The following ZNF487 variants were observed in gnomAD, a reference collection of about 807,000 sequenced individuals.
ZNF487 encodes the protein zinc finger protein 487.
ZNF487 carries 4 observed loss-of-function variants against 3.0 expected under a neutral mutation model. That is an observed-to-expected ratio of 1.35 (90% CI 0.66 to 3.08). The LOEUF (loss-of-function observed/expected upper bound fraction) is 3.08. Among genes scored for constraint, ZNF487 ranks in the 30% most tolerant of loss-of-function variants. The probability of loss-of-function intolerance (pLI) is 0.01; values close to 1 mark genes in which losing one functional copy is unlikely to be tolerated. For missense variants in ZNF487, 146 were observed against 98.7 expected (o/e 1.48, Z -2.03); for synonymous variants, 55 against 34.6 (o/e 1.59, Z -2.06).
chr10:43,486,876 C>T (rs1157927795), downstream of ZNF487, among the ~76,000 whole-genome samples: 2 of 152,202 alleles, frequency 1.3e-5, no homozygotes. Flanking sequence ...GAATATTTTA[C>T]TCTTCAAGGA....
rs1319944674 is a variant in ZNF487, at chr10:43,444,206, G to A, written c.-94+6944G>A. On this transcript the variant is annotated intron_variant, in intron 1 of 3. Transcript: ENST00000437590. ...TCTCCTTGTCCTTTGGCTAGAAAGC[G>A]ACAGATTTTCTTAGGCTTTTAAAAT... Among the ~76,000 whole-genome samples, 10 of 152,204 alleles carry A rather than the reference G, an allele frequency of 6.6e-5. 1 individual carries two copies. In the South Asian group the frequency reaches 1.7e-3, roughly 25 times the overall value.
downstream of ZNF487, among the ~76,000 whole-genome samples, chr10:43,486,291 G>A (rs1479436739): frequency 3.9e-5 from 6 of 152,084 alleles, no homozygotes; most frequent in East Asian, 1.9e-4. Context: ...TTGGGAGGCC[G>A]AGGAGGGTGC....
chr10:43,452,316 G>A (rs992762977), intron 1 of ZNF487: 1 of 152,104 alleles, frequency 6.6e-6, no homozygotes, highest in African/African-American at 2.4e-5. Flanking sequence ...GCAGGCCCCA[G>A]CATGTGCATT....
At chr10:43,461,033 T>C (rs923256595) in intron 1 of ZNF487, among the ~76,000 whole-genome samples, 14 of 149,366 alleles carry the variant, frequency 9.4e-5, no homozygotes, top group Middle Eastern at 3.5e-3. Flanking sequence ...TGAGACAGAG[T>C]TTCGCTCTCA....
chr10:43,454,830 T>C (rs928616099), intron 1 of ZNF487, among the ~76,000 whole-genome samples: 1 of 149,346 alleles, frequency 6.7e-6, no homozygotes, highest in African/African-American at 2.5e-5. Context: ...ATGCAGGGAG[T>C]GAATCATGCC....
At chr10:43,436,911 C>T (rs1285140598), upstream of ZNF487, 1 of 468,864 alleles carries the variant, frequency 2.1e-6, no homozygotes, top group Non-Finnish European at 4.4e-6. Flanking sequence ...CCGGACTGCG[C>T]CGTGTCTTCC....
At chr10:43,496,266 G>C in the ZNF487 span, among the ~76,000 whole-genome samples, 10 of 152,238 alleles carry the variant, frequency 6.6e-5, no homozygotes, top group African/African-American at 2.4e-4. Flanking sequence ...AGGAGACCCT[G>C]GGCTGTAGGT....
intron 1 of ZNF487, among the ~76,000 whole-genome samples, chr10:43,468,756 G>A (rs554293189): frequency 7.4e-5 from 11 of 149,310 alleles, no homozygotes; most frequent in African/African-American, 2.5e-4. Context: ...TTGGGAGGCC[G>A]AGGCAGGCGG....
the ZNF487 span, among the ~76,000 whole-genome samples, chr10:43,508,704 G>A: frequency 6.6e-6 from 1 of 152,084 alleles, no homozygotes; most frequent in Non-Finnish European, 1.5e-5. Flanking sequence ...AAACTAGCCA[G>A]GTGTAGTGGT....
chr10:43,479,966 C>CTTTTCT (rs762122329), intron 3 of ZNF487, among the ~76,000 whole-genome samples: 1,818 of 48,150 alleles, frequency 0.038, 54 homozygotes, highest in African/African-American at 0.066. Flanking sequence ...CTCTTTCTTT[C>CTTTTCT]TTTCTTTTCT....
chr10:43,470,749 G>T (rs1840879276), intron 1 of ZNF487, among the ~76,000 whole-genome samples: 1 of 152,064 alleles, frequency 6.6e-6, no homozygotes, highest in South Asian at 2.1e-4. Flanking sequence ...GAAGTCCTGG[G>T]CTCAAGCAAT....
chr10:43,517,517 G>A, the ZNF487 span, among the ~76,000 whole-genome samples: 31,780 of 152,088 alleles, frequency 0.21, 5,557 homozygotes, highest in African/African-American at 0.47. Flanking sequence ...ATAACTCATG[G>A]TGGCCACAAA....
the ZNF487 span, among the ~76,000 whole-genome samples, chr10:43,513,477 T>G: frequency 6.6e-6 from 1 of 152,258 alleles, no homozygotes; most frequent in Non-Finnish European, 1.5e-5. Flanking sequence ...ACAGGCTAAA[T>G]GGGAGAGCTG....
At chr10:43,478,038 A>G (rs1337311690) in intron 3 of ZNF487, among the ~76,000 whole-genome samples, 1 of 152,198 alleles carries the variant, frequency 6.6e-6, no homozygotes, top group African/African-American at 2.4e-5. Context: ...GAGAAAACCA[A>G]TCCAGATATT....
chr10:43,501,459 G>A, the ZNF487 span, among the ~76,000 whole-genome samples: 2 of 151,874 alleles, frequency 1.3e-5, no homozygotes, highest in Non-Finnish European at 2.9e-5. Context: ...ACTTTTCTAG[G>A]CCAGGCTCAG....
chr10:43,455,175 A>AT (rs970241532), intron 1 of ZNF487, among the ~76,000 whole-genome samples: 20 of 150,882 alleles, frequency 1.3e-4, no homozygotes, highest in East Asian at 4.0e-4. Context: ...CGCCCGGCCA[A>AT]TTTTTTTTGT....
chr10:43,479,545 T>C (rs771501423), intron 3 of ZNF487, among the ~76,000 whole-genome samples: 11 of 152,204 alleles, frequency 7.2e-5, no homozygotes, highest in Non-Finnish European at 1.5e-4. Context: ...ATCCTTCAAT[T>C]TTCTTATTGA....
intron 3 of ZNF487, 51 bp downstream of exon 3, chr10:43,476,253 C>T: frequency 1.4e-6 from 1 of 690,486 alleles, no homozygotes; most frequent in Non-Finnish European, 2.7e-6. Flanking sequence ...AAATTTGATC[C>T]TAGGGAGATA....
chr10:43,472,813 C>T (rs1564425361), intron 1 of ZNF487, among the ~76,000 whole-genome samples: 2 of 152,106 alleles, frequency 1.3e-5, no homozygotes, highest in Admixed American at 6.5e-5. Flanking sequence ...AGCCTTCCAA[C>T]TTATTCTGTT....
Sources: gnomAD v4.1 joint callset for allele counts (sites outside exome capture counted in the v4.1 genomes callset) on GRCh38, gnomAD v4.1.1 for gene constraint, MANE v1.5 for transcripts, NCBI Gene and HGNC (gene_info 2026-07-23, HGNC 2026-07-21) for gene names.